The following PPIL3 variants were observed in gnomAD, a reference collection of about 807,000 sequenced individuals.
PPIL3 encodes peptidylprolyl isomerase like 3.
A neutral mutation model predicts 20.9 loss-of-function variants in PPIL3; 13 were observed. The ratio of observed to expected loss-of-function variants is 0.62; its 90% CI spans 0.40 to 0.99. PPIL3 has a LOEUF of 0.99. Ranked by LOEUF, PPIL3 falls within the 50% of genes least tolerant of loss-of-function variation. The pLI is 0.00. For missense variants in PPIL3, 170 were observed against 195.2 expected (o/e 0.87, Z 0.77); for synonymous variants, 71 against 64.4 (o/e 1.10, Z -0.49).
At chr2:200,886,043 TG>T (rs1259873456) in intron 2 of PPIL3, among the ~76,000 whole-genome samples, 80 of 152,220 alleles carry the variant, frequency 5.3e-4, no homozygotes, top group Non-Finnish European at 1.1e-3. Flanking sequence ...AATATTTTGA[TG>T]GAAAGAATTA....
intron 6 of PPIL3, among the ~76,000 whole-genome samples, chr2:200,874,082 G>A (rs1208461774): frequency 1.3e-5 from 2 of 151,544 alleles, no homozygotes; most frequent in African/African-American, 4.8e-5. Context: ...GCGGGCGCCT[G>A]TAGTCCCAGC....
chr2:200,880,436 G>A (rs758293580), intron 5 of PPIL3, among the ~76,000 whole-genome samples: 4 of 143,098 alleles, frequency 2.8e-5, no homozygotes, highest in African/African-American at 1.1e-4. Context: ...GTGGGGTCTC[G>A]TTCTGTGCAT....
At chr2:200,882,256 C>A in intron 4 of PPIL3, 86 bp downstream of exon 4, 1 of 909,900 alleles carries the variant, frequency 1.1e-6, no homozygotes, top group East Asian at 2.4e-5. Flanking sequence ...AAAACAAAAA[C>A]TCCACGTATT....
chr2:200,876,641 C>T (rs1247476956), intron 6 of PPIL3, among the ~76,000 whole-genome samples: 2 of 151,916 alleles, frequency 1.3e-5, no homozygotes, highest in African/African-American at 2.4e-5. Context: ...CTTCAGCCTC[C>T]TGAGTAGCTG....
At position 200,882,339 on chromosome 2, in the gene PPIL3, T is replaced by C; in HGVS notation, c.172+3A>G. 2 of 1,556,022 alleles carry C rather than the reference T, an allele frequency of 1.3e-6. No individual in the cohort carries two copies. The highest frequency in any genetic ancestry group is 1.8e-6 in the Non-Finnish European group (2 of 1,127,172). On this transcript the variant is annotated splice_donor_region_variant and intron_variant, in intron 4 of 6. Coordinates refer to ENST00000392283, the MANE Select transcript of PPIL3 (RefSeq NM_130906.3). ...TTAGATCTTGGTTAATGGAATAACT[T>C]ACCTGTTGGATCTCCTGTTTGAACC...
In PPIL3 at chr2:200,871,409, G is replaced by A; in HGVS notation, c.472C>T (p.Pro158Ser). The A allele has an allele frequency of 6.2e-7, 1 of 1,610,994 alleles. No homozygotes were observed. The change falls in exon 7 of 7, where the codon CCA becomes TCA. Residue 158 changes from proline to serine, a missense_variant. Physicochemically the swap from Pro to Ser is moderately conservative, Grantham distance 74. Coordinates refer to ENST00000392283, the MANE Select transcript of PPIL3 (RefSeq NM_130906.3). Reference sequence around the variant, plus strand: ...GTCTATCATAGCTACTGAGCAAATGGGTTGGCATGAATAGTTATGTCCTTA... The same window carrying A: ...GTCTATCATAGCTACTGAGCAAATGAGTTGGCATGAATAGTTATGTCCTTA... ...HIKDITIHAN[P>S]FAQ is the part of the protein sequence containing the mutation.
intron 1 of PPIL3, among the ~76,000 whole-genome samples, 178 bp downstream of exon 1, chr2:200,888,778 G>C (rs1305649883): frequency 6.6e-6 from 1 of 151,986 alleles, no homozygotes; most frequent in Non-Finnish European, 1.5e-5. Context: ...CGCCCGCCTC[G>C]GCCTCCCGAA....
intron 2 of PPIL3, among the ~76,000 whole-genome samples, chr2:200,886,536 C>T (rs926821514): frequency 2.4e-4 from 37 of 152,028 alleles, no homozygotes; most frequent in African/African-American, 8.7e-4. Flanking sequence ...AGCAATTCTC[C>T]TGCCTCAGCC....
At chr2:200,886,101 G>A (rs2039929775) in intron 2 of PPIL3, among the ~76,000 whole-genome samples, 1 of 152,146 alleles carries the variant, frequency 6.6e-6, no homozygotes, top group South Asian at 2.1e-4. Context: ...CAATTGTTAT[G>A]TATTATTGAT....
chr2:200,881,357 G>C, intron 5 of PPIL3, 64 bp downstream of exon 5: 3 of 1,229,562 alleles, frequency 2.4e-6, no homozygotes, highest in Non-Finnish European at 3.5e-6. Context: ...TATGACACAT[G>C]TATCAAAGTT....
At chr2:200,877,121 G>T in intron 5 of PPIL3, 84 bp from the exon 6 acceptor site, 2 of 927,200 alleles carry the variant, frequency 2.2e-6, no homozygotes, top group Non-Finnish European at 3.5e-6. Flanking sequence ...GCACACCTTT[G>T]TTTTCTTTTT....
At chr2:200,876,292 C>T (rs2039512073) in intron 6 of PPIL3, among the ~76,000 whole-genome samples, 2 of 150,466 alleles carry the variant, frequency 1.3e-5, no homozygotes, top group South Asian at 2.1e-4. Context: ...TCCAGCCTGG[C>T]GACAGAGCCT....
intron 6 of PPIL3, among the ~76,000 whole-genome samples, chr2:200,873,674 A>G (rs1318844582): frequency 6.7e-6 from 1 of 149,712 alleles, no homozygotes; most frequent in African/African-American, 2.5e-5. Flanking sequence ...ATTTGCTAAG[A>G]AAGAGTGGCT....
chr2:200,878,598 C>CA (rs765915091), intron 5 of PPIL3, among the ~76,000 whole-genome samples: 3 of 152,000 alleles, frequency 2.0e-5, no homozygotes, highest in Non-Finnish European at 4.4e-5. Context: ...ATATGTTGCT[C>CA]AGGCTGATCT....
At chr2:200,887,925 C>T (rs907854641) in intron 1 of PPIL3, among the ~76,000 whole-genome samples, 28 of 151,990 alleles carry the variant, frequency 1.8e-4, no homozygotes, top group African/African-American at 6.8e-4. Context: ...GGTGTGGTGG[C>T]AGGCGCCTGT....
chr2:200,888,903 C>A (rs2040087464), intron 1 of PPIL3, 53 bp downstream of exon 1: 1 of 471,144 alleles, frequency 2.1e-6, no homozygotes. Flanking sequence ...CAACACAGAA[C>A]TCAGCAAGCA....
chr2:200,875,747 A>T (rs1365458533), intron 6 of PPIL3, among the ~76,000 whole-genome samples: 2 of 150,940 alleles, frequency 1.3e-5, no homozygotes, highest in South Asian at 2.1e-4. Context: ...TAATTTTTAA[A>T]TTTTTTTTAT....
intron 5 of PPIL3, among the ~76,000 whole-genome samples, chr2:200,880,765 A>G (rs2039695486): frequency 6.6e-6 from 1 of 152,094 alleles, no homozygotes; most frequent in South Asian, 2.1e-4. Context: ...TAAGTCATCA[A>G]CTGAAGTTAT....
rs2039293874 is a variant in PPIL3 at position 200,871,266 on chromosome 2, C to G, written c.*129G>C. 1.0e-6 allele frequency: 1 copy of G among 967,894 alleles called. No individual in the cohort carries two copies. The highest frequency in any genetic ancestry group is 2.4e-5 in the South Asian group (1 of 41,638). The allele number at this position is 967,894 out of a possible 1,614,324, so 60.0% of individuals were successfully genotyped here. A position where few individuals can be genotyped will look rare whatever the true frequency, so the allele number is the denominator to read the frequency against. ...GCTGTTGGGCGCCCCTTGGTACCAC[C>G]ATTTCATAGAAGATCATAGTTGTAA... On this transcript the variant is annotated 3_prime_UTR_variant, in exon 7 of 7. Transcript: ENST00000392283.
Sources: gnomAD v4.1 joint callset for allele counts (sites outside exome capture counted in the v4.1 genomes callset) on GRCh38, gnomAD v4.1.1 for gene constraint, MANE v1.5 for transcripts, NCBI Gene and HGNC (gene_info 2026-07-23, HGNC 2026-07-21) for gene names.